VEGFD: variants seen among roughly 807,000 people sequenced by gnomAD.
VEGFD encodes vascular endothelial growth factor D.
VEGFD carries 26 observed loss-of-function variants against 28.0 expected under a neutral mutation model. The observed-to-expected ratio is 0.93, with a 90% CI of 0.68 to 1.29. The LOEUF is 1.29. Among genes scored for constraint, VEGFD ranks in the 50% most tolerant of loss-of-function variants. The pLI is 0.00. For synonymous variants in VEGFD, 93 were observed against 95.5 expected (o/e 0.97, Z 0.15); for missense variants, 294 against 273.4 (o/e 1.08, Z -0.53).
chrX:15,373,058 T>C (rs1246963383), intron 1 of VEGFD, among the ~76,000 whole-genome samples: 1 of 111,991 alleles, frequency 8.9e-6, no homozygotes, highest in East Asian at 2.8e-4. Context: ...CCAACCAATT[T>C]TTCAAAATAA....
intron 1 of VEGFD, among the ~76,000 whole-genome samples, chrX:15,368,067 A>AAAG (rs1923213014): frequency 8.5e-5 from 8 of 93,880 alleles, no homozygotes; most frequent in African/African-American, 2.4e-4. Context: ...GAAAGGAAAG[A>AAAG]AAGAAAGAAA....
chrX:15,367,440 T>A (rs1453887841), intron 1 of VEGFD, among the ~76,000 whole-genome samples: 1 of 112,077 alleles, frequency 8.9e-6, no homozygotes, highest in Non-Finnish European at 1.9e-5. Flanking sequence ...AATTCAATGC[T>A]TCTCCATTAA....
At chrX:15,352,156 A>G (rs1319384836) in intron 5 of VEGFD, among the ~76,000 whole-genome samples, 1 of 112,289 alleles carries the variant, frequency 8.9e-6, no homozygotes, top group African/African-American at 3.2e-5. Context: ...TCGTGAAAAC[A>G]TTTAGAAGGA....
chrX:15,350,775 T>C (rs1015407368), intron 5 of VEGFD, among the ~76,000 whole-genome samples: 10 of 90,735 alleles, frequency 1.1e-4, no homozygotes, highest in Non-Finnish European at 2.2e-4. Flanking sequence ...TTTTCTTTCT[T>C]TCTTTCTCTC....
At chrX:15,361,052 T>C (rs772194336) in intron 2 of VEGFD, among the ~76,000 whole-genome samples, 41 of 112,718 alleles carry the variant, frequency 3.6e-4, no homozygotes, top group Non-Finnish European at 6.7e-4. Flanking sequence ...TGGTGTAACA[T>C]GCTGATTTCA....
intron 3 of VEGFD, among the ~76,000 whole-genome samples, chrX:15,357,458 C>T (rs1041750130): frequency 3.6e-5 from 4 of 111,425 alleles, no homozygotes; most frequent in South Asian, 7.6e-4. Context: ...TCCGCTTTCC[C>T]TCTGGGTTCC....
Position 15,346,055 on chromosome X carries a change from G to T in VEGFD, c.*78C>A. ...AAATGGATTTTTTTTTTAACACCTGGGAAAAAAACAGTGACAGCAACTTGG... is the reference window on the plus strand; with the variant it reads ...AAATGGATTTTTTTTTTAACACCTGTGAAAAAAACAGTGACAGCAACTTGG... On this transcript the variant is annotated 3_prime_UTR_variant, in exon 7 of 7. Coordinates refer to ENST00000297904, the MANE Select transcript of VEGFD (RefSeq NM_004469.5). The T allele has an allele frequency of 8.9e-7, 1 of 1,122,426 alleles. No homozygotes were observed. The highest frequency in any genetic ancestry group is 2.0e-5 in the South Asian group (1 of 49,048). 92.5% of individuals were successfully genotyped at this position (1,122,426 alleles called of 1,213,427 possible).
chrX:15,356,084 T>C (rs895737767), intron 3 of VEGFD, among the ~76,000 whole-genome samples: 8 of 112,334 alleles, frequency 7.1e-5, no homozygotes, highest in African/African-American at 2.6e-4. Context: ...TTTCTACGCT[T>C]TCCGTAGGCC....
chrX:15,352,769 T>G (rs1337046729), intron 5 of VEGFD, among the ~76,000 whole-genome samples: 1 of 111,758 alleles, frequency 8.9e-6, no homozygotes, highest in Non-Finnish European at 1.9e-5. Flanking sequence ...AAAAGCAGAG[T>G]GATGCATTGA....
intron 6 of VEGFD, among the ~76,000 whole-genome samples, chrX:15,346,861 A>T (rs56242752): frequency 0.036 from 3,990 of 110,111 alleles, 178 homozygotes; most frequent in African/African-American, 0.12. Context: ...AACCAGAGAG[A>T]CGGAGGTTGC....
intron 1 of VEGFD, among the ~76,000 whole-genome samples, chrX:15,367,840 A>G (rs1157230353): frequency 9.3e-6 from 1 of 108,015 alleles, no homozygotes; most frequent in Non-Finnish European, 1.9e-5. Context: ...CTGTACTCCC[A>G]GCTACTCAGG....
chrX:15,355,287 T>A lies in VEGFD; in HGVS notation c.504A>T (p.Ile168=), dbSNP rs183118910. 1 of 1,187,236 alleles carries A rather than the reference T, an allele frequency of 8.4e-7. No individual in the cohort carries two copies. Among genetic ancestry groups the A allele is most frequent in the Admixed American group, 2.3e-5 (1 of 42,594 alleles). ...TSYISKQLFE[I]SVPLTSVPEL... The stretch of plus-strand genomic sequence containing the variant: ...CAGGTACTGATGTCAAAGGCACTGA[T>A]ATCTCAAAGAGCTACAGCAGAGAAA... Residue 168 remains isoleucine (I), a synonymous_variant, in exon 4 of 7, where the codon ATA becomes ATT. Coordinates refer to ENST00000297904, the MANE Select transcript of VEGFD (RefSeq NM_004469.5).
intron 5 of VEGFD, among the ~76,000 whole-genome samples, chrX:15,349,772 T>C (rs919756120): frequency 1.8e-5 from 2 of 111,550 alleles, no homozygotes; most frequent in African/African-American, 3.3e-5. Context: ...GAAGTCACTG[T>C]AGAAAAGGCA....
rs771903271 is a variant in VEGFD, at chrX:15,363,332, A to G, written c.91-13T>C. 4 of 1,172,040 alleles carry G rather than the reference A, an allele frequency of 3.4e-6. No individual in the cohort carries two copies. The highest frequency in any genetic ancestry group is 4.6e-6 in the Non-Finnish European group (4 of 863,960). ...ACTGAGATGATCGCTTAAAAAAACAAAAATACCAGTTTAAAAACAAGTTAC... is the reference window on the plus strand; with the variant it reads ...ACTGAGATGATCGCTTAAAAAAACAGAAATACCAGTTTAAAAACAAGTTAC... On this transcript the variant is annotated splice_polypyrimidine_tract_variant and intron_variant, in intron 1 of 6. Transcript: ENST00000297904.
At chrX:15,369,158 G>T (rs58214575) in intron 1 of VEGFD, among the ~76,000 whole-genome samples, 1,509 of 111,506 alleles carry the variant, frequency 0.014, 25 homozygotes, top group African/African-American at 0.046. Context: ...ATTTGGAAAG[G>T]TATAGTGGTG....
At position 15,382,212 on chromosome X, in the gene VEGFD, C is replaced by T. The variant is rs775957783; in HGVS notation, c.90+1645G>A. On this transcript the variant is annotated intron_variant, in intron 1 of 6. Coordinates refer to ENST00000297904, the MANE Select transcript of VEGFD (RefSeq NM_004469.5). ...GCACGTGCCTATAATTCCAGCTACT[C>T]GAGAGGCTGAGGCAGGGGAATCACT... is the stretch of plus-strand genomic sequence containing the variant. Among the ~76,000 whole-genome samples the T allele has an allele frequency of 4.8e-4, 53 of 110,217 alleles. 1 individual carries two copies. The highest frequency in any genetic ancestry group is 1.3e-4 in the Non-Finnish European group (7 of 52,786).
Position 15,356,372 on chromosome X carries a change from G to A in VEGFD, c.493-1074C>T, listed in dbSNP as rs779045943. Among the ~76,000 whole-genome samples the A allele has an allele frequency of 8.0e-5, 9 of 111,950 alleles. No homozygotes were observed. In the East Asian group the frequency reaches 2.5e-3, roughly 31 times the overall value. On this transcript the variant is annotated intron_variant, in intron 3 of 6. Coordinates refer to ENST00000297904, the MANE Select transcript of VEGFD (RefSeq NM_004469.5). The stretch of plus-strand genomic sequence containing the variant: ...TTGCCAAATAGTCCATAACTTTGGG[G>A]CGAGAGATAGTTTTTAAAAAACTAC...
At chrX:15,353,411 C>T (rs1456695057) in intron 4 of VEGFD, among the ~76,000 whole-genome samples, 2 of 112,452 alleles carry the variant, frequency 1.8e-5, no homozygotes, top group East Asian at 5.5e-4. Flanking sequence ...AATGTTCTCA[C>T]CACAAAATGA....
At chrX:15,351,027 A>AT (rs35997805) in intron 5 of VEGFD, among the ~76,000 whole-genome samples, 930 of 14,744 alleles carry the variant, frequency 0.063, 340 homozygotes, top group Non-Finnish European at 0.092. Flanking sequence ...ATGCCCAGCT[A>AT]TTTTTTTTTT....
Sources: allele counts gnomAD v4.1 joint callset (sites outside exome capture counted in the v4.1 genomes callset), GRCh38; gene constraint gnomAD v4.1.1; transcripts MANE v1.5; gene names NCBI Gene and HGNC (gene_info 2026-07-23, HGNC 2026-07-21).